The following DIP2C variants were observed in gnomAD, a reference collection of about 807,000 sequenced individuals.
The protein encoded by DIP2C is disco-interacting protein 2 homolog C.
DIP2C carries 33 observed loss-of-function variants against 192.4 expected under a neutral mutation model. That is an observed-to-expected ratio of 0.17 (90% CI 0.13 to 0.23). DIP2C has a LOEUF of 0.23. DIP2C is among the 10% of genes least tolerant of loss of function. The pLI, the probability that DIP2C is intolerant of heterozygous loss-of-function variation, is 1.00. For missense variants in DIP2C, 1,537 were observed against 2,110.1 expected (o/e 0.73, Z 5.32); for synonymous variants, 979 against 864.1 (o/e 1.13, Z -2.33).
intron 3 of DIP2C, among the ~76,000 whole-genome samples, chr10:451,271 G>A (rs1968822930): frequency 1.3e-5 from 2 of 148,866 alleles, no homozygotes; most frequent in African/African-American, 5.2e-5. Flanking sequence ...TTTTCAAAAA[G>A]TTACCAAACC....
chr10:665,764 A>C (rs1243278485), intron 1 of DIP2C: 1 of 152,274 alleles, frequency 6.6e-6, no homozygotes. Context: ...GCTTTCCCAA[A>C]ACAAAACACA....
intron 4 of DIP2C, among the ~76,000 whole-genome samples, chr10:423,802 G>A (rs1029803638): frequency 6.6e-6 from 1 of 152,176 alleles, no homozygotes; most frequent in African/African-American, 2.4e-5. Flanking sequence ...AGCAGAACGT[G>A]CCTCACGCGG....
chr10:375,864 A>C (rs1466495419), intron 17 of DIP2C, among the ~76,000 whole-genome samples: 1 of 20,578 alleles, frequency 4.9e-5, no homozygotes, highest in Non-Finnish European at 9.0e-5. Flanking sequence ...TGAGTCAACA[A>C]GGTCTTTCAT....
rs1031521288 is a variant in DIP2C, at chr10:503,148, A to G, written c.86-16618T>C. 6.6e-5 allele frequency among the ~76,000 whole-genome samples: 10 copies of G among 151,488 alleles called. 1 individual carries two copies. The South Asian group carries it at 1.3e-3, about 19-fold the overall frequency. On this transcript the variant is annotated intron_variant, in intron 1 of 36. Coordinates refer to ENST00000280886, the MANE Select transcript of DIP2C (RefSeq NM_014974.3). Reference sequence around the variant, plus strand: ...GGACACTGACCTGCGGACTTACCACAATTCCAACATAAATTCCGCCAGGAT... The same window carrying G: ...GGACACTGACCTGCGGACTTACCACGATTCCAACATAAATTCCGCCAGGAT...
At position 674,789 on chromosome 10, in the gene DIP2C, T is replaced by TAGAGAGAGAG. The variant is rs1554772102; in HGVS notation, c.85+14695_85+14704dup. Among the ~76,000 whole-genome samples, 86 of 62,482 alleles carry TAGAGAGAGAG rather than the reference T, an allele frequency of 1.4e-3. 1 individual carries two copies. The highest frequency in any genetic ancestry group is 2.7e-3 in the East Asian group (5 of 1,820). The allele number at this position is 62,482 out of a possible 152,430, so 41.0% of individuals were successfully genotyped here. ...CATCTCAAATATATATATATATATA[T>TAGAGAGAGAG]AGAGAGAGAGAGAGAGAGAGAGAGA... is the stretch of plus-strand genomic sequence containing the variant. On this transcript the variant is annotated intron_variant, in intron 1 of 36. Coordinates refer to ENST00000280886, the MANE Select transcript of DIP2C (RefSeq NM_014974.3).
At chr10:293,032 G>A (rs1564515445) in intron 32 of DIP2C, among the ~76,000 whole-genome samples, 4 of 152,340 alleles carry the variant, frequency 2.6e-5, no homozygotes, top group South Asian at 2.1e-4. Flanking sequence ...GCCGGCATAC[G>A]GCAGCACTGC....
chr10:508,481 G>T (rs182538234), intron 1 of DIP2C, among the ~76,000 whole-genome samples: 3 of 152,288 alleles, frequency 2.0e-5, no homozygotes, highest in Admixed American at 2.0e-4. Context: ...ATCCGGCCCA[G>T]CATACTGCCT....
At chr10:321,572 C>T (rs906838909) in intron 31 of DIP2C, among the ~76,000 whole-genome samples, 2 of 121,660 alleles carry the variant, frequency 1.6e-5, no homozygotes, top group Admixed American at 8.4e-5. Flanking sequence ...AACAGTCAGT[C>T]GGGGGTGCGG....
chr10:608,068 G>C (rs911465589), intron 1 of DIP2C, among the ~76,000 whole-genome samples: 2 of 150,546 alleles, frequency 1.3e-5, no homozygotes, highest in African/African-American at 4.9e-5. Flanking sequence ...AGCAAATCTG[G>C]TCTTTGATCT....
At chr10:454,464 C>G (rs2133347938) in intron 3 of DIP2C, among the ~76,000 whole-genome samples, 1 of 152,122 alleles carries the variant, frequency 6.6e-6, no homozygotes, top group East Asian at 1.9e-4. Flanking sequence ...TACAAATGCA[C>G]CCTGTATGCT....
intron 1 of DIP2C, among the ~76,000 whole-genome samples, chr10:669,743 G>A (rs2132134369): frequency 6.6e-6 from 1 of 152,316 alleles, no homozygotes; most frequent in African/African-American, 2.4e-5. Context: ...CAGAACAGCA[G>A]AACAGATCAA....
intron 4 of DIP2C, among the ~76,000 whole-genome samples, chr10:425,876 A>C (rs928045480): frequency 6.6e-6 from 1 of 152,260 alleles, no homozygotes; most frequent in Non-Finnish European, 1.5e-5. Flanking sequence ...CAACCTGTTA[A>C]AGCACATTCA....
chr10:446,163 A>C (rs7096864), intron 3 of DIP2C, among the ~76,000 whole-genome samples: 1 of 151,696 alleles, frequency 6.6e-6, no homozygotes, highest in Non-Finnish European at 1.5e-5. Flanking sequence ...CTAGGCATCT[A>C]TATACATCTG....
intron 1 of DIP2C, among the ~76,000 whole-genome samples, chr10:583,643 G>A (rs1049077964): frequency 6.6e-6 from 1 of 152,204 alleles, no homozygotes; most frequent in African/African-American, 2.4e-5. Flanking sequence ...TGCTGAAACC[G>A]ATCTGTGCAC....
Position 288,379 on chromosome 10 carries a change from C to T in DIP2C, c.4029G>A (p.Leu1343=), listed in dbSNP as rs1480753177. ...VERGSPHSLP[L]MESGKILPGV... is the part of the protein sequence containing the mutation. The stretch of plus-strand genomic sequence containing the variant: ...TAATACTTACCTTTCCCGATTCCAT[C>T]AGGGGCAGACTATGAGGGGATCCTC... Residue 1343 remains leucine (L), a synonymous_variant, in exon 33 of 37, where the codon CTG becomes CTA. Transcript: ENST00000280886. The T allele has an allele frequency of 1.2e-6, 2 of 1,614,004 alleles. No homozygotes were observed. The highest frequency in any genetic ancestry group is 2.2e-5 in the South Asian group (2 of 91,036).
Position 464,375 on chromosome 10 carries a change from C to A in DIP2C, c.268+8064G>T, listed in dbSNP as rs575795735. On this transcript the variant is annotated intron_variant, in intron 3 of 36. Coordinates refer to ENST00000280886, the MANE Select transcript of DIP2C (RefSeq NM_014974.3). The stretch of plus-strand genomic sequence containing the variant: ...CAAAAGAAGACATTTATGTGGCCAA[C>A]AAACTTAGAAAAAAAAAAAAGCTCA... Among the ~76,000 whole-genome samples the A allele has an allele frequency of 3.1e-4, 47 of 150,114 alleles. 1 individual carries two copies. In the South Asian group the frequency reaches 8.2e-3, roughly 26 times the overall value.
chr10:553,154 TC>T (rs1848667321), intron 1 of DIP2C, among the ~76,000 whole-genome samples: 1 of 152,172 alleles, frequency 6.6e-6, no homozygotes, highest in Non-Finnish European at 1.5e-5. Context: ...CCAGGCAGCA[TC>T]CCCACATGGG....
At chr10:612,558 CAG>C (rs1357150060) in intron 1 of DIP2C, among the ~76,000 whole-genome samples, 3 of 152,258 alleles carry the variant, frequency 2.0e-5, no homozygotes, top group South Asian at 4.1e-4. Flanking sequence ...TTCAAAAGAA[CAG>C]AGATGCCCAA....
At chr10:467,565 T>TA (rs71376835) in intron 3 of DIP2C, among the ~76,000 whole-genome samples, 33,193 of 130,034 alleles carry the variant, frequency 0.26, 4,638 homozygotes, top group Non-Finnish European at 0.34. Context: ...TATTTAAGTG[T>TA]AAAAAAAAAA....
Sources: gnomAD v4.1 joint callset for allele counts (sites outside exome capture counted in the v4.1 genomes callset) on GRCh38, gnomAD v4.1.1 for gene constraint, MANE v1.5 for transcripts, NCBI Gene and HGNC (gene_info 2026-07-23, HGNC 2026-07-21) for gene names.